Variants in CADPS2 observed in about 807,000 individuals in gnomAD.
CADPS2 encodes calcium dependent secretion activator 2, also known as calcium-dependent secretion activator 2.
Under a neutral mutation model 172.5 loss-of-function variants are expected in CADPS2, and 93 were observed. That is an observed-to-expected ratio of 0.54 (90% CI 0.46 to 0.64). The LOEUF is 0.64. Ranked by LOEUF, CADPS2 falls within the 30% of genes least tolerant of loss-of-function variation. The pLI, the probability that CADPS2 is intolerant of heterozygous loss-of-function variation, is 0.00. For synonymous variants in CADPS2, 546 were observed against 555.2 expected, an observed-to-expected ratio of 0.98 and a Z score of 0.23; for missense variants, 1,420 against 1,565.9, an observed-to-expected ratio of 0.91 and a Z score of 1.57.
intron 2 of CADPS2, among the ~76,000 whole-genome samples, chr7:122,685,631 T>C (rs1425574379): frequency 1.3e-5 from 2 of 152,258 alleles, no homozygotes; most frequent in Non-Finnish European, 2.9e-5. Flanking sequence ...CTGTCTTTTG[T>C]AGTTCCCTAT....
chr7:122,818,070 C>T (rs1215905476), intron 1 of CADPS2, among the ~76,000 whole-genome samples: 6 of 151,072 alleles, frequency 4.0e-5, no homozygotes, highest in African/African-American at 1.2e-4. Context: ...CTTATCTCTG[C>T]ACCCCAACCC....
chr7:122,553,369 A>G (rs2131970392), intron 8 of CADPS2, among the ~76,000 whole-genome samples: 1 of 152,284 alleles, frequency 6.6e-6, no homozygotes, highest in East Asian at 1.9e-4. Flanking sequence ...CAGATACTCC[A>G]TGTGCATTAT....
chr7:122,554,532 C>T lies in CADPS2; in HGVS notation c.1475+18G>A, dbSNP rs1200243212. On this transcript the variant is annotated intron_variant, in intron 8 of 29. Coordinates refer to ENST00000449022, the MANE Select transcript of CADPS2 (RefSeq NM_017954.11). ...AAATTCAATAATTCAGGAAAAAAATCCTCAAATTTATACTCACCCACTATG... is the reference window on the plus strand; with the variant it reads ...AAATTCAATAATTCAGGAAAAAAATTCTCAAATTTATACTCACCCACTATG... The T allele has an allele frequency of 3.2e-6, 5 of 1,546,106 alleles. No homozygotes were observed. The highest frequency in any genetic ancestry group is 4.4e-6 in the Non-Finnish European group (5 of 1,147,866).
At chr7:122,385,681 A>G (rs1455292401) in intron 24 of CADPS2, among the ~76,000 whole-genome samples, 1 of 152,066 alleles carries the variant, frequency 6.6e-6, no homozygotes, top group East Asian at 1.9e-4. Flanking sequence ...GGAGGAGGGC[A>G]GAAGTCTCAT....
chr7:122,700,615 T>C (rs913808490), intron 2 of CADPS2, among the ~76,000 whole-genome samples: 2 of 152,088 alleles, frequency 1.3e-5, no homozygotes, highest in Non-Finnish European at 2.9e-5. Context: ...TGTTTATTCA[T>C]CTACTAGAAA....
chr7:122,642,337 C>T (rs973994518), intron 3 of CADPS2, among the ~76,000 whole-genome samples: 2 of 151,754 alleles, frequency 1.3e-5, no homozygotes, highest in South Asian at 2.1e-4. Flanking sequence ...TTAGTCTTGC[C>T]TTACAAATAT....
intron 17 of CADPS2, chr7:122,436,522 CTTTTT>C (rs1185964269): frequency 1.9e-5 from 5 of 266,882 alleles, no homozygotes; most frequent in Admixed American, 5.5e-5. Flanking sequence ...CTTTTTTTTT[CTTTTT>C]TAAGAAAAAA....
In CADPS2 at chr7:122,484,663, T is replaced by C. The variant is rs182927303; in HGVS notation, c.1853-3803A>G. ...AAATGGACTTCATCAAAATTAAGAA[T>C]TTCTTTTTTTTTTTTTCTGAAAGTC... On this transcript the variant is annotated intron_variant, in intron 11 of 29. Transcript: ENST00000449022. Among the ~76,000 whole-genome samples the C allele has an allele frequency of 9.6e-5, 12 of 124,478 alleles. No individual in the cohort carries two copies. In the East Asian group the frequency reaches 2.8e-3, roughly 29 times the overall value. 81.7% of individuals were successfully genotyped at this position (124,478 alleles called of 152,430 possible). A position where few individuals can be genotyped will look rare whatever the true frequency, so the allele number is the denominator to read the frequency against.
At chr7:122,470,477 G>C (rs930036338) in intron 14 of CADPS2, among the ~76,000 whole-genome samples, 1 of 151,822 alleles carries the variant, frequency 6.6e-6, no homozygotes, top group African/African-American at 2.4e-5. Context: ...GATATGGACA[G>C]ATTTTTATTT....
At chr7:122,607,016 T>G (rs1374458423) in intron 6 of CADPS2, among the ~76,000 whole-genome samples, 4 of 151,144 alleles carry the variant, frequency 2.6e-5, no homozygotes, top group African/African-American at 9.7e-5. Flanking sequence ...CAAACGGCAT[T>G]TGCTAACCAA....
chr7:122,670,361 T>C (rs1298846141), intron 2 of CADPS2, among the ~76,000 whole-genome samples: 2 of 152,014 alleles, frequency 1.3e-5, no homozygotes, highest in Admixed American at 6.6e-5. Context: ...GAGGATCACT[T>C]GAGCTCAGGA....
At chr7:122,779,841 A>AC (rs1433449287) in intron 1 of CADPS2, among the ~76,000 whole-genome samples, 2 of 151,992 alleles carry the variant, frequency 1.3e-5, no homozygotes, top group East Asian at 1.9e-4. Context: ...GCTACTATAT[A>AC]CCTATGGACT....
chr7:122,339,443 C>G (rs1027273645), intron 28 of CADPS2, among the ~76,000 whole-genome samples: 3 of 152,106 alleles, frequency 2.0e-5, no homozygotes, highest in African/African-American at 2.4e-5. Context: ...TCACTCTTAT[C>G]CATGTTTTGT....
intron 28 of CADPS2, among the ~76,000 whole-genome samples, chr7:122,327,677 T>C (rs1190700123): frequency 1.3e-5 from 2 of 151,996 alleles, no homozygotes; most frequent in Admixed American, 1.3e-4. Context: ...AATTAAGTGA[T>C]AATTGAAAAG....
chr7:122,554,334 G>A (rs1426093211), intron 8 of CADPS2, among the ~76,000 whole-genome samples: 1 of 152,050 alleles, frequency 6.6e-6, no homozygotes, highest in African/African-American at 2.4e-5. Context: ...TATCGTGGTA[G>A]CTCGCATACA....
At chr7:122,885,663 A>T (rs1188133483) in intron 1 of CADPS2, among the ~76,000 whole-genome samples, 1 of 152,110 alleles carries the variant, frequency 6.6e-6, no homozygotes, top group African/African-American at 2.4e-5. Context: ...GTGCTGTTGG[A>T]AATTAAAGTT....
At chr7:122,706,938 G>A (rs193265884) in intron 2 of CADPS2, among the ~76,000 whole-genome samples, 13 of 151,110 alleles carry the variant, frequency 8.6e-5, no homozygotes, top group East Asian at 3.9e-4. Flanking sequence ...CTTGGAAACC[G>A]GAGTGGAATC....
chr7:122,824,647 G>C (rs570495834), intron 1 of CADPS2, among the ~76,000 whole-genome samples: 1 of 152,048 alleles, frequency 6.6e-6, no homozygotes, highest in Non-Finnish European at 1.5e-5. Context: ...AGCTATGATA[G>C]GCTGCATGTT....
Position 122,705,924 on chromosome 7 carries a change from T to TATATAATATATA in CADPS2, c.453+31030_453+31031insTATATATTATAT, listed in dbSNP as rs2087212808. ...ATATATAATATATTATATAATATAATATATAATATATTATATAATATAATA... is the reference window on the plus strand; with the variant it reads ...ATATATAATATATTATATAATATAATATATAATATATAATATAATATATTATATAATATAATA... On this transcript the variant is annotated intron_variant, in intron 2 of 29. Transcript: ENST00000449022. Among the ~76,000 whole-genome samples, 3 of 8,536 alleles carry TATATAATATATA rather than the reference T, an allele frequency of 3.5e-4. 1 individual carries two copies. Among genetic ancestry groups the TATATAATATATA allele is most frequent in the African/African-American group, 1.6e-3 (3 of 1,850 alleles). 5.6% of individuals were successfully genotyped at this position (8,536 alleles called of 152,430 possible).
Sources: gnomAD v4.1 joint callset for allele counts (sites outside exome capture counted in the v4.1 genomes callset) on GRCh38, gnomAD v4.1.1 for gene constraint, MANE v1.5 for transcripts, NCBI Gene and HGNC (gene_info 2026-07-23, HGNC 2026-07-21) for gene names.